CDKL4: variants seen among roughly 807,000 people sequenced by gnomAD.
CDKL4 encodes the protein cyclin-dependent kinase-like 4.
CDKL4 carries 44 observed loss-of-function variants against 42.0 expected under a neutral mutation model. That is an observed-to-expected ratio of 1.05 (90% CI 0.82 to 1.35). The LOEUF (loss-of-function observed/expected upper bound fraction) is 1.35, where lower values mean the gene tolerates loss of function less well. CDKL4 is among the 40% of genes most tolerant of loss of function. CDKL4 has a pLI of 0.00. For missense variants in CDKL4, 393 were observed against 369.9 expected (o/e 1.06, Z -0.51); for synonymous variants, 120 against 121.6 (o/e 0.99, Z 0.09).
intron 1 of CDKL4, among the ~76,000 whole-genome samples, chr2:39,234,135 G>A (rs971186512): frequency 6.6e-6 from 1 of 151,722 alleles, no homozygotes; most frequent in African/African-American, 2.4e-5. Flanking sequence ...GGACGGTCTC[G>A]ATCTCCTGAC....
intron 5 of CDKL4, among the ~76,000 whole-genome samples, chr2:39,196,248 G>T (rs1676510153): frequency 6.6e-6 from 1 of 152,114 alleles, no homozygotes. Context: ...TACAACCAAG[G>T]ACCCTCATAG....
chr2:39,179,405 G>T (rs1331396828), intron 8 of CDKL4, 84 bp from the exon 9 acceptor site: 2 of 1,107,686 alleles, frequency 1.8e-6, no homozygotes, highest in Admixed American at 2.6e-5. Flanking sequence ...AACTTGCTAG[G>T]ATAAATATGA....
intron 6 of CDKL4, among the ~76,000 whole-genome samples, chr2:39,188,884 G>A (rs1452350240): frequency 6.6e-6 from 1 of 152,098 alleles, no homozygotes; most frequent in Admixed American, 6.6e-5. Flanking sequence ...CAGATATGGG[G>A]TCTGCCTATG....
chr2:39,213,212 G>C (rs2148353305), intron 4 of CDKL4, among the ~76,000 whole-genome samples, 188 bp downstream of exon 4: 1 of 152,010 alleles, frequency 6.6e-6, no homozygotes, highest in Middle Eastern at 3.4e-3. Context: ...CTCAAACTCT[G>C]GGGCTCATGT....
intron 1 of CDKL4, among the ~76,000 whole-genome samples, chr2:39,230,567 G>A (rs373163805): frequency 1.3e-5 from 2 of 152,052 alleles, no homozygotes; most frequent in East Asian, 1.9e-4. Flanking sequence ...TTTGGTGACC[G>A]AATTAAATAT....
chr2:39,185,705 C>G (rs1362251038), intron 7 of CDKL4, among the ~76,000 whole-genome samples: 2 of 151,602 alleles, frequency 1.3e-5, no homozygotes, highest in African/African-American at 4.8e-5. Context: ...TAGTGATCCG[C>G]CTGCCTCGGC....
At chr2:39,198,674 C>T (rs1292196474) in intron 5 of CDKL4, among the ~76,000 whole-genome samples, 1 of 149,560 alleles carries the variant, frequency 6.7e-6, no homozygotes. Flanking sequence ...AAATCAACTC[C>T]AAAAGGAATT....
chr2:39,170,869 A>G (rs190007789), downstream of CDKL4, among the ~76,000 whole-genome samples: 2 of 152,324 alleles, frequency 1.3e-5, no homozygotes, highest in East Asian at 3.9e-4. Flanking sequence ...CAGGATTAGA[A>G]ATCAATGGTG....
Position 39,185,317 on chromosome 2 carries a change from CATATATATACACATATGTATATATAT to C in CDKL4, c.736-696_736-671del. Among the ~76,000 whole-genome samples the C allele has an allele frequency of 5.8e-5, 2 of 34,774 alleles. 1 individual carries two copies. The highest frequency in any genetic ancestry group is 1.8e-3 in the South Asian group (2 of 1,132). 22.8% of individuals were successfully genotyped at this position (34,774 alleles called of 152,430 possible). ...ATATATATACACATATGTATATATACATATATATACACATATGTATATATATACACATATGTATATATACATATATA... is the reference window on the plus strand; with the variant it reads ...ATATATATACACATATGTATATATACACACATATGTATATATACATATATA... On this transcript the variant is annotated intron_variant, in intron 7 of 9. Transcript: ENST00000451199.
chr2:39,232,587 T>C (rs916131239), intron 1 of CDKL4, among the ~76,000 whole-genome samples: 3 of 152,198 alleles, frequency 2.0e-5, no homozygotes, highest in African/African-American at 7.2e-5. Flanking sequence ...AAGGTACATG[T>C]GGTGGGGGGC....
At chr2:39,211,537 C>T (rs1677587193) in intron 4 of CDKL4, among the ~76,000 whole-genome samples, 1 of 151,986 alleles carries the variant, frequency 6.6e-6, no homozygotes, top group South Asian at 2.1e-4. Flanking sequence ...AATGGTGCTC[C>T]AGCCACCTCT....
At chr2:39,219,618 AC>A (rs1233152029) in intron 3 of CDKL4, among the ~76,000 whole-genome samples, 1 of 151,954 alleles carries the variant, frequency 6.6e-6, no homozygotes, top group Non-Finnish European at 1.5e-5. Flanking sequence ...ACGGGATTTC[AC>A]CCTGTTGCCC....
chr2:39,200,636 C>T (rs1338610572), intron 5 of CDKL4, among the ~76,000 whole-genome samples: 2 of 152,146 alleles, frequency 1.3e-5, no homozygotes, highest in African/African-American at 4.8e-5. Context: ...GGTATAAAAA[C>T]AGGCATATAG....
intron 3 of CDKL4, among the ~76,000 whole-genome samples, chr2:39,214,511 G>C (rs1677796246): frequency 1.3e-5 from 2 of 152,172 alleles, no homozygotes; most frequent in Admixed American, 6.5e-5. Flanking sequence ...TTTCTAGAAA[G>C]TCTTCAATGA....
intron 5 of CDKL4, among the ~76,000 whole-genome samples, chr2:39,197,362 T>G (rs963075459): frequency 4.6e-5 from 7 of 151,672 alleles, no homozygotes; most frequent in African/African-American, 1.7e-4. Flanking sequence ...GAATAATTGG[T>G]GTTCCCAAGG....
chr2:39,233,164 G>C (rs1322750555), intron 1 of CDKL4, among the ~76,000 whole-genome samples: 1 of 152,040 alleles, frequency 6.6e-6, no homozygotes, highest in Non-Finnish European at 1.5e-5. Flanking sequence ...TATGAGAGGG[G>C]TGAGATCTAA....
At chr2:39,184,345 A>G (rs954747898) in intron 8 of CDKL4, among the ~76,000 whole-genome samples, 1 of 152,176 alleles carries the variant, frequency 6.6e-6, no homozygotes, top group African/African-American at 2.4e-5. Context: ...CTAGTGCAGG[A>G]GCTAGGTCTG....
At chr2:39,235,725 C>T (rs1453398219) in intron 1 of CDKL4, among the ~76,000 whole-genome samples, 5 of 152,150 alleles carry the variant, frequency 3.3e-5, no homozygotes, top group African/African-American at 1.2e-4. Flanking sequence ...TGCACTCCAG[C>T]TTGTAGACAG....
rs11885294 is a variant in CDKL4, at chr2:39,185,896, T to A, written c.736-1249A>T. Reference sequence around the variant, plus strand: ...ATGCTGGGTAAATGTGGGTCCCAAATGCTCCCATCTGAAATCCTACAACAG... The same window carrying A: ...ATGCTGGGTAAATGTGGGTCCCAAAAGCTCCCATCTGAAATCCTACAACAG... On this transcript the variant is annotated intron_variant, in intron 7 of 9. Transcript: ENST00000451199. Among the ~76,000 whole-genome samples the A allele has an allele frequency of 8.7e-3, 1,324 of 152,300 alleles. 24 individuals carry two copies. Among genetic ancestry groups the A allele is most frequent in the African/African-American group, 0.03 (1,236 of 41,568 alleles).
Sources: gnomAD v4.1 joint callset for allele counts (sites outside exome capture counted in the v4.1 genomes callset) on GRCh38, gnomAD v4.1.1 for gene constraint, MANE v1.5 for transcripts, NCBI Gene and HGNC (gene_info 2026-07-23, HGNC 2026-07-21) for gene names.